Variants in DTNA observed in about 807,000 individuals in gnomAD.
The protein encoded by DTNA is dystrophin-related protein 3.
A neutral mutation model predicts 100.7 loss-of-function variants in DTNA; 43 were observed. That is an observed-to-expected ratio of 0.43 (90% CI 0.33 to 0.55). The LOEUF is 0.55. Ranked by LOEUF, DTNA falls within the 20% of genes least tolerant of loss-of-function variation. DTNA has a pLI of 0.04. For missense variants in DTNA, 798 were observed against 953.9 expected (o/e 0.84, Z 2.15); for synonymous variants, 349 against 347.9 (o/e 1.00, Z -0.04).
At chr18:34,575,292 T>C (rs1568686862) in intron 1 of DTNA, among the ~76,000 whole-genome samples, 1 of 151,310 alleles carries the variant, frequency 6.6e-6, no homozygotes, top group African/African-American at 2.5e-5. Context: ...TTACTGTATA[T>C]TTGATTATTT....
intron 15 of DTNA, among the ~76,000 whole-genome samples, chr18:34,856,026 G>A (rs943265146): frequency 6.6e-6 from 1 of 152,164 alleles, no homozygotes; most frequent in African/African-American, 2.4e-5. Context: ...TATCACTCTT[G>A]CTGCTTGTTT....
intron 1 of DTNA, among the ~76,000 whole-genome samples, chr18:34,563,527 ATTC>A (rs1364842892): frequency 6.6e-6 from 1 of 152,226 alleles, no homozygotes; most frequent in African/African-American, 2.4e-5. Context: ...TTTTAAGAGT[ATTC>A]TTTGCCTTGC....
chr18:34,820,971 G>A, intron 9 of DTNA, 56 bp downstream of exon 9: 1 of 1,612,890 alleles, frequency 6.2e-7, no homozygotes. Context: ...GCACATGTCT[G>A]GAGCCACACA....
chr18:34,774,903 A>G (rs992244461), intron 3 of DTNA, among the ~76,000 whole-genome samples: 5 of 152,338 alleles, frequency 3.3e-5, no homozygotes, highest in East Asian at 3.9e-4. Context: ...CCCAGATTGA[A>G]TCAATCATAA....
intron 11 of DTNA, among the ~76,000 whole-genome samples, chr18:34,832,512 A>G (rs1239255026): frequency 6.6e-6 from 1 of 152,188 alleles, no homozygotes; most frequent in Non-Finnish European, 1.5e-5. Context: ...CCCTATACCA[A>G]GCAAACTTTC....
intron 1 of DTNA, among the ~76,000 whole-genome samples, chr18:34,590,488 G>A (rs554890193): frequency 2.6e-5 from 4 of 152,236 alleles, no homozygotes; most frequent in East Asian, 1.9e-4. Context: ...AACAGAGGTC[G>A]TTTGCTTTTC....
chr18:34,589,002 A>G (rs1177789398), intron 1 of DTNA, among the ~76,000 whole-genome samples: 1 of 150,346 alleles, frequency 6.7e-6, no homozygotes, highest in African/African-American at 2.4e-5. Flanking sequence ...TATATTTATA[A>G]TACTATACTA....
chr18:34,838,061 C>G, intron 11 of DTNA, 33 bp from the exon 12 acceptor site: 1 of 1,605,358 alleles, frequency 6.2e-7, no homozygotes, highest in Non-Finnish European at 8.5e-7. Context: ...GCCGTGTTTA[C>G]GCTCTTCTTG....
intron 1 of DTNA, among the ~76,000 whole-genome samples, chr18:34,571,622 G>A (rs2047599555): frequency 6.6e-6 from 1 of 152,098 alleles, no homozygotes; most frequent in African/African-American, 2.4e-5. Context: ...TCATGCACTG[G>A]CCCTGTGATT....
chr18:34,504,271 A>G (rs1166276478), intron 1 of DTNA: 4 of 152,178 alleles, frequency 2.6e-5, no homozygotes, highest in Non-Finnish European at 4.4e-5. Context: ...AATGAAGTAT[A>G]GAAACCGTAC....
chr18:34,494,263 C>T (rs1204166571), intron 1 of DTNA, among the ~76,000 whole-genome samples: 1 of 151,654 alleles, frequency 6.6e-6, no homozygotes, highest in African/African-American at 2.4e-5. Context: ...CTGGGACATC[C>T]GCGTTGGGTT....
At chr18:34,674,796 T>A (rs1204883586) in intron 1 of DTNA, among the ~76,000 whole-genome samples, 1 of 152,156 alleles carries the variant, frequency 6.6e-6, no homozygotes, top group African/African-American at 2.4e-5. Context: ...AAACAAGCAA[T>A]AAGTCCCTGC....
At chr18:34,806,340 C>G in intron 5 of DTNA, 36 bp downstream of exon 5, 2 of 1,582,582 alleles carry the variant, frequency 1.3e-6, no homozygotes, top group Non-Finnish European at 1.7e-6. Flanking sequence ...GTTTGCTTTT[C>G]CTTGCTAGGT....
chr18:34,627,940 T>G (rs555267856), intron 1 of DTNA, among the ~76,000 whole-genome samples: 14 of 152,296 alleles, frequency 9.2e-5, no homozygotes, highest in East Asian at 1.9e-4. Context: ...TGCTAATTTT[T>G]TTTGTTTGTT....
intron 4 of DTNA, among the ~76,000 whole-genome samples, chr18:34,804,953 A>T (rs146763519): frequency 6.6e-6 from 1 of 152,176 alleles, no homozygotes; most frequent in Non-Finnish European, 1.5e-5. Context: ...ACGATTATTT[A>T]TATCTTATTT....
At chr18:34,883,601 T>C (rs750503003) in intron 21 of DTNA, among the ~76,000 whole-genome samples, 1 of 152,058 alleles carries the variant, frequency 6.6e-6, no homozygotes, top group Admixed American at 6.5e-5. Context: ...TAAGCCACCA[T>C]ACCCAGGCTT....
At chr18:34,560,680 T>C (rs904213854) in intron 1 of DTNA, among the ~76,000 whole-genome samples, 1 of 152,134 alleles carries the variant, frequency 6.6e-6, no homozygotes, top group African/African-American at 2.4e-5. Flanking sequence ...CTGAGGAGGA[T>C]GGATAGCTTG....
chr18:34,776,898 C>T (rs1015293492), intron 3 of DTNA, among the ~76,000 whole-genome samples: 1 of 152,188 alleles, frequency 6.6e-6, no homozygotes, highest in Non-Finnish European at 1.5e-5. Flanking sequence ...GGGAACATAC[C>T]AGGCATGTGC....
chr18:34,711,195 C>T lies in DTNA; in HGVS notation c.-2+750C>T, dbSNP rs546148350. Among the ~76,000 whole-genome samples, 7 of 152,218 alleles carry T rather than the reference C, an allele frequency of 4.6e-5. No homozygotes were observed. In the East Asian group the frequency reaches 9.7e-4, roughly 21 times the overall value. ...CTGTGTGGAGCATCAATTCCCAGAGCGCAGACGCCTTCTCATGCGTTGTTT... is the reference window on the plus strand; with the variant it reads ...CTGTGTGGAGCATCAATTCCCAGAGTGCAGACGCCTTCTCATGCGTTGTTT... On this transcript the variant is annotated intron_variant, in intron 1 of 22. Coordinates refer to ENST00000444659, the MANE Select transcript of DTNA (RefSeq NM_001386795.1).
Sources: gnomAD v4.1 joint callset for allele counts (sites outside exome capture counted in the v4.1 genomes callset) on GRCh38, gnomAD v4.1.1 for gene constraint, MANE v1.5 for transcripts, NCBI Gene and HGNC (gene_info 2026-07-23, HGNC 2026-07-21) for gene names.